The following RASSF3 variants were observed in gnomAD, a reference collection of about 807,000 sequenced individuals.
RASSF3 encodes the protein ras association domain-containing protein 3.
Under a neutral mutation model 19.9 loss-of-function variants are expected in RASSF3, and 19 were observed. The observed-to-expected ratio is 0.96, with a 90% CI of 0.67 to 1.40. RASSF3 has a LOEUF of 1.40. RASSF3 is among the 40% of genes most tolerant of loss of function. The probability of loss-of-function intolerance (pLI) is 0.00; values close to 1 mark genes in which losing one functional copy is unlikely to be tolerated. For missense variants in RASSF3, 306 were observed against 289.8 expected (o/e 1.06, Z -0.41); for synonymous variants, 110 against 104.2 (o/e 1.06, Z -0.34).
At chr12:64,591,935 T>C (rs1869932885) in intron 2 of RASSF3, among the ~76,000 whole-genome samples, 1 of 151,882 alleles carries the variant, frequency 6.6e-6, no homozygotes, top group Non-Finnish European at 1.5e-5. Context: ...AGGGTTTTAC[T>C]GTGTCCCCTA....
chr12:64,650,397 CT>C (rs869302594), intron 1 of RASSF3, among the ~76,000 whole-genome samples: 4 of 101,984 alleles, frequency 3.9e-5, no homozygotes, highest in Admixed American at 9.7e-5. Flanking sequence ...GGAGGTGTTT[CT>C]TTTTTTTTCC....
intron 2 of RASSF3, among the ~76,000 whole-genome samples, chr12:64,553,251 G>C (rs765472031): frequency 6.6e-6 from 1 of 152,078 alleles, no homozygotes; most frequent in Non-Finnish European, 1.5e-5. Context: ...ATCATTATTA[G>C]AAGTCCAGTT....
upstream of RASSF3, among the ~76,000 whole-genome samples, chr12:64,529,928 T>C (rs80025872): frequency 0.024 from 3,663 of 152,296 alleles, 160 homozygotes; most frequent in African/African-American, 0.084. Context: ...AGAGATTTTC[T>C]TGCTAGTACT....
chr12:64,691,737 G>GAGGGCAGGGAGATGGGA (rs1555217324), intron 4 of RASSF3, among the ~76,000 whole-genome samples, 158 bp downstream of exon 4: 1 of 151,692 alleles, frequency 6.6e-6, no homozygotes, highest in Admixed American at 6.6e-5. Context: ...CAGGGAGAGG[G>GAGGGCAGGGAGATGGGA]AGAGGGATTT....
chr12:64,676,085 C>T (rs1465825594), intron 1 of RASSF3, among the ~76,000 whole-genome samples: 3 of 152,124 alleles, frequency 2.0e-5, no homozygotes, highest in African/African-American at 7.2e-5. Flanking sequence ...CAGCAAGCAG[C>T]ACACTGTACT....
At chr12:64,512,921 G>C (rs1016473628) in intron 1 of RASSF3, among the ~76,000 whole-genome samples, 5 of 152,164 alleles carry the variant, frequency 3.3e-5, no homozygotes, top group Non-Finnish European at 7.3e-5. Context: ...TTGGCTGATG[G>C]TTAGTCAAAA....
intron 2 of RASSF3, among the ~76,000 whole-genome samples, chr12:64,598,777 T>C (rs778930463): frequency 1.3e-5 from 2 of 152,082 alleles, no homozygotes; most frequent in East Asian, 1.9e-4. Flanking sequence ...CTAGGGTACA[T>C]GTGCACAACG....
In RASSF3 at chr12:64,691,934, A is replaced by T. The variant is rs550842358; in HGVS notation, c.567+355A>T. Reference sequence around the variant, plus strand: ...GTCCAGCTGAACTTTGAAAGTTGACACTCACCATGTGTTTGCTACTAACAA... The same window carrying T: ...GTCCAGCTGAACTTTGAAAGTTGACTCTCACCATGTGTTTGCTACTAACAA... On this transcript the variant is annotated intron_variant, in intron 4 of 4. Transcript: ENST00000542104. 3.9e-5 allele frequency among the ~76,000 whole-genome samples: 6 copies of T among 152,266 alleles called. No individual in the cohort carries two copies. In the East Asian group the frequency reaches 7.7e-4, roughly 20 times the overall value.
At position 64,528,016 on chromosome 12, in the gene RASSF3, T is replaced by C. The variant is rs549855420; in HGVS notation, c.170-13565T>C. 9.2e-5 allele frequency among the ~76,000 whole-genome samples: 14 copies of C among 152,216 alleles called. No homozygotes were observed. The South Asian group carries it at 2.9e-3, about 32-fold the overall frequency. ...GCTCACGCCTGTAATCCCAGCAAAT[T>C]GGGAGGCCAAGGCAGGAGAACCACT... On this transcript the variant is annotated intron_variant, in intron 1 of 5. Transcript: ENST00000637125.
At chr12:64,549,728 G>A (rs1275224585) in intron 2 of RASSF3, among the ~76,000 whole-genome samples, 5 of 152,162 alleles carry the variant, frequency 3.3e-5, no homozygotes, top group Non-Finnish European at 7.3e-5. Context: ...AGCGGAGGTA[G>A]GGATACAGTA....
At chr12:64,564,779 TGTTTTTTG>T (rs1454939329) in intron 2 of RASSF3, among the ~76,000 whole-genome samples, 3 of 43,056 alleles carry the variant, frequency 7.0e-5, no homozygotes, top group Admixed American at 2.6e-4. Flanking sequence ...AGGTGTTTTT[TGTTTTTTG>T]TTTTTTTTTT....
intron 1 of RASSF3, among the ~76,000 whole-genome samples, chr12:64,669,853 C>G (rs1872640551): frequency 7.4e-6 from 1 of 134,846 alleles, no homozygotes; most frequent in African/African-American, 2.8e-5. Flanking sequence ...AGCAGCACTT[C>G]TATGCAACAA....
intron 1 of RASSF3, among the ~76,000 whole-genome samples, chr12:64,662,621 T>C (rs770465066): frequency 2.0e-5 from 3 of 152,174 alleles, no homozygotes; most frequent in Non-Finnish European, 4.4e-5. Context: ...AGATTAGTGG[T>C]CAGTTGCAAG....
intron 2 of RASSF3, among the ~76,000 whole-genome samples, chr12:64,552,708 G>A (rs1047205662): frequency 7.2e-5 from 11 of 152,104 alleles, no homozygotes; most frequent in Non-Finnish European, 1.3e-4. Flanking sequence ...ACATGATCTC[G>A]TTCCTTTATA....
At chr12:64,548,103 C>A (rs1021538661) in intron 2 of RASSF3, among the ~76,000 whole-genome samples, 1 of 152,120 alleles carries the variant, frequency 6.6e-6, no homozygotes, top group African/African-American at 2.4e-5. Context: ...AAAAAGTGAG[C>A]TCTAAGGTGT....
intron 1 of RASSF3, among the ~76,000 whole-genome samples, chr12:64,633,531 G>T (rs1361068395): frequency 6.6e-6 from 1 of 152,002 alleles, no homozygotes; most frequent in Non-Finnish European, 1.5e-5. Context: ...TCCTCCTGAG[G>T]TCCTCACCAG....
At chr12:64,614,417 C>T (rs1027989896) in intron 1 of RASSF3, among the ~76,000 whole-genome samples, 8 of 151,944 alleles carry the variant, frequency 5.3e-5, no homozygotes, top group African/African-American at 1.7e-4. Context: ...CGTGAGCCAC[C>T]GCACCTGGCC....
At chr12:64,680,716 C>T (rs577706201) in intron 1 of RASSF3, among the ~76,000 whole-genome samples, 5 of 152,080 alleles carry the variant, frequency 3.3e-5, no homozygotes, top group East Asian at 1.9e-4. Flanking sequence ...CGGTTTCAAG[C>T]GATTCTCCTA....
upstream of RASSF3, among the ~76,000 whole-genome samples, chr12:64,609,044 T>A (rs79630735): frequency 3.7e-3 from 557 of 152,264 alleles, 6 homozygotes; most frequent in African/African-American, 0.012. Context: ...AAGATGGATG[T>A]GTAAGCCCGA....
Sources: allele counts gnomAD v4.1 joint callset (sites outside exome capture counted in the v4.1 genomes callset), GRCh38; gene constraint gnomAD v4.1.1; transcripts MANE v1.5; gene names NCBI Gene and HGNC (gene_info 2026-07-23, HGNC 2026-07-21).